The following JAKMIP2 variants were observed in gnomAD, a reference collection of about 807,000 sequenced individuals.
JAKMIP2 encodes janus kinase and microtubule interacting protein 2.
In JAKMIP2, 25 loss-of-function variants were observed where a neutral mutation model predicts 115.0. That is an observed-to-expected ratio of 0.22 (90% CI 0.16 to 0.30). The LOEUF is 0.30. JAKMIP2 is among the 10% of genes least tolerant of loss of function. The pLI, the probability that JAKMIP2 is intolerant of heterozygous loss-of-function variation, is 1.00. For synonymous variants in JAKMIP2, 334 were observed against 343.6 expected (o/e 0.97, Z 0.31); for missense variants, 642 against 957.6 (o/e 0.67, Z 4.35).
chr5:147,647,675 G>C (rs200775711), intron 5 of JAKMIP2, among the ~76,000 whole-genome samples: 1 of 152,170 alleles, frequency 6.6e-6, no homozygotes, highest in East Asian at 1.9e-4. Context: ...ATTTTTGTAT[G>C]TTGGAAAAGA....
chr5:147,663,239 T>C (rs1431479476), intron 2 of JAKMIP2, among the ~76,000 whole-genome samples: 1 of 152,186 alleles, frequency 6.6e-6, no homozygotes, highest in Non-Finnish European at 1.5e-5. Flanking sequence ...GTATTGTTTC[T>C]GAGTGTGTTT....
chr5:147,685,440 G>T (rs1760520213), intron 1 of JAKMIP2, among the ~76,000 whole-genome samples: 1 of 152,120 alleles, frequency 6.6e-6, no homozygotes, highest in Non-Finnish European at 1.5e-5. Context: ...TTATATTAAG[G>T]AAAAAGAAGC....
At chr5:147,619,496 G>T (rs1756746696) in intron 18 of JAKMIP2, among the ~76,000 whole-genome samples, 1 of 151,960 alleles carries the variant, frequency 6.6e-6, no homozygotes, top group Non-Finnish European at 1.5e-5. Context: ...TTCCCCAAAA[G>T]TGACTCAAGC....
At chr5:147,715,919 G>A (rs896383170) in intron 1 of JAKMIP2, among the ~76,000 whole-genome samples, 7 of 134,906 alleles carry the variant, frequency 5.2e-5, no homozygotes, top group African/African-American at 2.0e-4. Context: ...ATGTATACAT[G>A]TGCCATGCTG....
chr5:147,773,437 T>G (rs1379253503), intron 1 of JAKMIP2, among the ~76,000 whole-genome samples: 1 of 146,514 alleles, frequency 6.8e-6, no homozygotes, highest in Non-Finnish European at 1.5e-5. Flanking sequence ...ACAAAATAAA[T>G]GTAGACAGTT....
intron 1 of JAKMIP2, among the ~76,000 whole-genome samples, chr5:147,725,533 T>C (rs965022106): frequency 2.1e-4 from 32 of 152,264 alleles, no homozygotes; most frequent in African/African-American, 7.0e-4. Flanking sequence ...CCTGAGGAGA[T>C]CCCTGACCCA....
At chr5:147,623,009 C>A (rs1342085926) in intron 17 of JAKMIP2, among the ~76,000 whole-genome samples, 1 of 152,162 alleles carries the variant, frequency 6.6e-6, no homozygotes, top group Non-Finnish European at 1.5e-5. Context: ...TAGCCTCCAC[C>A]TCCTGGGCTC....
At chr5:147,619,692 C>G (rs751648819) in intron 18 of JAKMIP2, among the ~76,000 whole-genome samples, 3 of 152,114 alleles carry the variant, frequency 2.0e-5, no homozygotes, top group Non-Finnish European at 4.4e-5. Context: ...GGGAATGGAT[C>G]ACATGTGCTC....
At chr5:147,754,830 C>T (rs188069236) in intron 1 of JAKMIP2, among the ~76,000 whole-genome samples, 4 of 152,206 alleles carry the variant, frequency 2.6e-5, no homozygotes, top group South Asian at 2.1e-4. Context: ...AAAGCCTGGG[C>T]TTTTAAACAG....
chr5:147,718,736 C>A (rs529039929), intron 1 of JAKMIP2, among the ~76,000 whole-genome samples: 10 of 152,224 alleles, frequency 6.6e-5, no homozygotes, highest in Admixed American at 5.2e-4. Context: ...ATTCTTCTCT[C>A]TTTTTTTCTT....
chr5:147,656,330 T>C (rs1258565991), intron 3 of JAKMIP2, among the ~76,000 whole-genome samples: 1 of 152,244 alleles, frequency 6.6e-6, no homozygotes, highest in Admixed American at 6.5e-5. Flanking sequence ...TAAGTCTCTT[T>C]GTAGGTCTCT....
Position 147,661,285 on chromosome 5 carries a change from T to C in JAKMIP2, c.290A>G (p.Glu97Gly). The change falls in exon 3 of 22, where the codon GAG becomes GGG. Residue 97 changes from glutamate to glycine, a missense_variant. Physicochemically the swap from Glu to Gly is moderately conservative, Grantham distance 98. Coordinates refer to ENST00000616793, the MANE Select transcript of JAKMIP2 (RefSeq NM_001270941.2). Reference sequence around the variant, plus strand: ...CTTCACCGTCCTTGACATTTCCTGCTCGTGCTGCTTGATAAGGTTCTCCCT... The same window carrying C: ...CTTCACCGTCCTTGACATTTCCTGCCCGTGCTGCTTGATAAGGTTCTCCCT... ...AVRENLIKQH[E>G]QEMSRTVKVR... 1 of 1,613,942 alleles carries C rather than the reference T, an allele frequency of 6.2e-7. No individual in the cohort carries two copies. The highest frequency in any genetic ancestry group is 1.1e-5 in the South Asian group (1 of 91,068).
intron 1 of JAKMIP2, among the ~76,000 whole-genome samples, chr5:147,716,060 G>A (rs1220776285): frequency 1.4e-5 from 2 of 139,694 alleles, no homozygotes. Context: ...TGATCTCATT[G>A]TTCAATTCCC....
At chr5:147,652,471 G>T (rs539676074) in intron 3 of JAKMIP2, among the ~76,000 whole-genome samples, 10 of 152,264 alleles carry the variant, frequency 6.6e-5, no homozygotes, top group Non-Finnish European at 1.3e-4. Context: ...ATGGGAAAGG[G>T]TATAAACCAG....
Position 147,661,308 on chromosome 5 carries a change from C to T in JAKMIP2, c.267G>A (p.Arg89=). ...EEKMKELQAV[R]ENLIKQHEQE... ...GCTCGTGCTGCTTGATAAGGTTCTC[C>T]CTCACAGCCTGCAGCTCCTTCATCT... Residue 89 remains arginine, a synonymous_variant, in exon 3 of 22, where the codon AGG becomes AGA. Transcript: ENST00000616793. 2.5e-6 allele frequency: 4 copies of T among 1,613,950 alleles called. No homozygotes were observed. Among genetic ancestry groups the T allele is most frequent in the Non-Finnish European group, 3.4e-6 (4 of 1,180,012 alleles).
At chr5:147,690,632 TAAAA>T (rs1365459284) in intron 1 of JAKMIP2, among the ~76,000 whole-genome samples, 1 of 147,882 alleles carries the variant, frequency 6.8e-6, no homozygotes, top group Admixed American at 6.8e-5. Context: ...CATACATGCA[TAAAA>T]ACATTTTGGA....
At chr5:147,724,905 G>A (rs1325829715) in intron 1 of JAKMIP2, among the ~76,000 whole-genome samples, 1 of 152,146 alleles carries the variant, frequency 6.6e-6, no homozygotes, top group African/African-American at 2.4e-5. Flanking sequence ...TAGGAGCTGG[G>A]TAAAATAAGG....
At chr5:147,669,360 C>T (rs1468098834) in intron 2 of JAKMIP2, among the ~76,000 whole-genome samples, 1 of 152,132 alleles carries the variant, frequency 6.6e-6, no homozygotes, top group Non-Finnish European at 1.5e-5. Context: ...TGTGTGCTCT[C>T]ATTTAAGAGG....
chr5:147,740,977 T>C (rs1010336469), intron 1 of JAKMIP2, among the ~76,000 whole-genome samples: 1 of 152,144 alleles, frequency 6.6e-6, no homozygotes, highest in Admixed American at 6.6e-5. Flanking sequence ...TTTCAGCCCT[T>C]CACAGTATCC....
Sources: gnomAD v4.1 joint callset for allele counts (sites outside exome capture counted in the v4.1 genomes callset) on GRCh38, gnomAD v4.1.1 for gene constraint, MANE v1.5 for transcripts, NCBI Gene and HGNC (gene_info 2026-07-23, HGNC 2026-07-21) for gene names.